JAM2: variants seen among roughly 807,000 people sequenced by gnomAD.
JAM2 encodes the protein junctional adhesion molecule B.
In JAM2, 17 loss-of-function variants were observed where a neutral mutation model predicts 42.0. The ratio of observed to expected loss-of-function variants is 0.40; its 90% CI spans 0.28 to 0.61. JAM2 has a LOEUF of 0.61. JAM2 is among the 20% of genes least tolerant of loss of function. The probability of loss-of-function intolerance (pLI) is 0.37; values close to 1 mark genes in which losing one functional copy is unlikely to be tolerated. For missense variants in JAM2, 319 were observed against 358.3 expected, an observed-to-expected ratio of 0.89 and a Z score of 0.89; for synonymous variants, 118 against 128.6, an observed-to-expected ratio of 0.92 and a Z score of 0.56.
intron 1 of JAM2, among the ~76,000 whole-genome samples, chr21:25,669,936 T>G (rs746001521): frequency 6.6e-6 from 1 of 152,190 alleles, no homozygotes; most frequent in Non-Finnish European, 1.5e-5. Context: ...TAGTTCTTTA[T>G]CCCAATGGGG....
At chr21:25,710,540 G>T (rs554087151) in intron 8 of JAM2, among the ~76,000 whole-genome samples, 1 of 152,302 alleles carries the variant, frequency 6.6e-6, no homozygotes, top group South Asian at 2.1e-4. Flanking sequence ...CCTGAAGAGG[G>T]TGAGGAAGCA....
chr21:25,698,526 A>C lies in JAM2; in HGVS notation c.395-151A>C, dbSNP rs1023665654. ...AAGAAGATGGGTTTGTTGGACAAGT[A>C]AGCAGTCTCTATCACAGGGTCCAGT... On this transcript the variant is annotated intron_variant, in intron 4 of 9. Transcript: ENST00000480456. 9 of 641,712 alleles carry C rather than the reference A, an allele frequency of 1.4e-5. No individual in the cohort carries two copies. The African/African-American group carries it at 1.5e-4, about 10-fold the overall frequency. The allele number at this position is 641,712 out of a possible 1,614,324, so 39.8% of individuals were successfully genotyped here.
chr21:25,687,369 C>T (rs918201535), intron 2 of JAM2, among the ~76,000 whole-genome samples: 1 of 152,160 alleles, frequency 6.6e-6, no homozygotes, highest in African/African-American at 2.4e-5. Context: ...ATATCACATA[C>T]GGAGTATATG....
At chr21:25,667,721 A>G (rs1240323228) in intron 1 of JAM2, among the ~76,000 whole-genome samples, 1 of 152,096 alleles carries the variant, frequency 6.6e-6, no homozygotes, top group East Asian at 1.9e-4. Flanking sequence ...CTTCACTTCC[A>G]TTCATTCAGC....
chr21:25,704,446 C>T (rs969953987), intron 6 of JAM2, among the ~76,000 whole-genome samples: 2 of 152,052 alleles, frequency 1.3e-5, no homozygotes, highest in Admixed American at 1.3e-4. Flanking sequence ...GAAAGAATTT[C>T]GAGACCAGAA....
At chr21:25,685,774 G>C (rs144121370) in intron 2 of JAM2, among the ~76,000 whole-genome samples, 1 of 152,138 alleles carries the variant, frequency 6.6e-6, no homozygotes, top group African/African-American at 2.4e-5. Context: ...TGAGATGCCA[G>C]AATGGAAGCT....
At chr21:25,671,237 TTA>T (rs2033352831) in intron 1 of JAM2, among the ~76,000 whole-genome samples, 1 of 152,192 alleles carries the variant, frequency 6.6e-6, no homozygotes, top group Non-Finnish European at 1.5e-5. Flanking sequence ...AGTAAACTCA[TTA>T]ATAAGTAGAA....
chr21:25,703,556 C>G (rs2034210909), intron 6 of JAM2, among the ~76,000 whole-genome samples: 1 of 152,064 alleles, frequency 6.6e-6, no homozygotes, highest in Non-Finnish European at 1.5e-5. Context: ...TGAATTATAA[C>G]TATATTCACA....
At chr21:25,645,372 G>C (rs990847625) in intron 1 of JAM2, among the ~76,000 whole-genome samples, 2 of 152,148 alleles carry the variant, frequency 1.3e-5, no homozygotes, top group African/African-American at 4.8e-5. Flanking sequence ...GAGGTTTAGG[G>C]AGAATTACAT....
chr21:25,641,971 G>T (rs1276667165), intron 1 of JAM2, among the ~76,000 whole-genome samples: 1 of 152,120 alleles, frequency 6.6e-6, no homozygotes, highest in Non-Finnish European at 1.5e-5. Context: ...TGGGGTTATA[G>T]GTTTTTTGGA....
intron 1 of JAM2, among the ~76,000 whole-genome samples, chr21:25,649,255 T>G (rs1310574025): frequency 2.6e-5 from 4 of 152,208 alleles, no homozygotes; most frequent in African/African-American, 9.7e-5. Context: ...TGCCCAAGAC[T>G]GGGTAATTTA....
intron 1 of JAM2, among the ~76,000 whole-genome samples, chr21:25,665,758 A>C (rs1438427382): frequency 2.6e-5 from 4 of 152,142 alleles, no homozygotes; most frequent in African/African-American, 9.7e-5. Context: ...TGTTAATCTC[A>C]CGCCACACAC....
At chr21:25,643,553 G>A (rs558498844) in intron 1 of JAM2, 22 of 152,264 alleles carry the variant, frequency 1.4e-4, no homozygotes, top group East Asian at 1.2e-3. Flanking sequence ...CCAGGGAACC[G>A]GTACTAGGAA....
chr21:25,683,398 C>T (rs1448706666), intron 1 of JAM2, among the ~76,000 whole-genome samples: 2 of 151,954 alleles, frequency 1.3e-5, no homozygotes, highest in African/African-American at 4.8e-5. Flanking sequence ...AGCTTATATA[C>T]ATTTATTATA....
intron 1 of JAM2, among the ~76,000 whole-genome samples, chr21:25,667,495 A>T (rs574352363): frequency 1.2e-3 from 177 of 152,318 alleles, no homozygotes; most frequent in African/African-American, 4.1e-3. Flanking sequence ...TATTCAGCAT[A>T]TTGTTATAAT....
At chr21:25,686,449 T>C (rs2033752947) in intron 2 of JAM2, among the ~76,000 whole-genome samples, 1 of 142,098 alleles carries the variant, frequency 7.0e-6, no homozygotes, top group African/African-American at 2.7e-5. Context: ...TGTGTATATG[T>C]GTATGTGTGT....
intron 1 of JAM2, among the ~76,000 whole-genome samples, chr21:25,681,874 C>T (rs1162272813): frequency 2.0e-5 from 3 of 152,142 alleles, no homozygotes; most frequent in Admixed American, 2.0e-4. Context: ...CCCAGCTACT[C>T]CCAAGGCTGA....
At chr21:25,648,086 C>T (rs1346194187) in intron 1 of JAM2, among the ~76,000 whole-genome samples, 3 of 152,204 alleles carry the variant, frequency 2.0e-5, no homozygotes, top group African/African-American at 7.2e-5. Flanking sequence ...TGGCATGCAC[C>T]TGTAGTCCCA....
intron 6 of JAM2, among the ~76,000 whole-genome samples, 162 bp from the exon 7 acceptor site, chr21:25,705,817 C>CCATGTCTT (rs1332413232): frequency 6.6e-6 from 1 of 152,142 alleles, no homozygotes; most frequent in Non-Finnish European, 1.5e-5. Flanking sequence ...CAATTTTGAA[C>CCATGTCTT]CATGTCTTAG....
Sources: allele counts gnomAD v4.1 joint callset (sites outside exome capture counted in the v4.1 genomes callset), GRCh38; gene constraint gnomAD v4.1.1; transcripts MANE v1.5; gene names NCBI Gene and HGNC (gene_info 2026-07-23, HGNC 2026-07-21).